ZNF362: variants seen among roughly 807,000 people sequenced by gnomAD.
The protein encoded by ZNF362 is zinc finger protein 362.
A neutral mutation model predicts 42.9 loss-of-function variants in ZNF362; 11 were observed. The ratio of observed to expected loss-of-function variants is 0.26; its 90% CI spans 0.16 to 0.42. The LOEUF is 0.42. Among genes scored for constraint, ZNF362 ranks in the 20% least tolerant of loss-of-function variants. The pLI is 1.00. For synonymous variants in ZNF362, 255 were observed against 257.3 expected (o/e 0.99, Z 0.09); for missense variants, 362 against 576.2 (o/e 0.63, Z 3.81).
the ZNF362 span, among the ~76,000 whole-genome samples, chr1:33,220,052 G>A: frequency 1.3e-5 from 2 of 152,166 alleles, no homozygotes; most frequent in Non-Finnish European, 2.9e-5. Flanking sequence ...TGGCCTGGGG[G>A]TGGATGAATC....
At chr1:33,239,087 G>C in the ZNF362 span, among the ~76,000 whole-genome samples, 2 of 152,230 alleles carry the variant, frequency 1.3e-5, no homozygotes, top group Admixed American at 1.3e-4. Context: ...CTGTGAGCCA[G>C]ATAACACCTA....
chr1:33,132,798 T>C, the ZNF362 span, among the ~76,000 whole-genome samples: 2 of 152,218 alleles, frequency 1.3e-5, no homozygotes, highest in Non-Finnish European at 2.9e-5. Context: ...AACCTTGTGG[T>C]TGACACATAG....
the ZNF362 span, among the ~76,000 whole-genome samples, chr1:33,196,443 A>T: frequency 6.6e-6 from 1 of 152,146 alleles, no homozygotes; most frequent in African/African-American, 2.4e-5. Flanking sequence ...GCATTAGCCT[A>T]GGCCCACACA....
At chr1:33,254,013 G>A (rs943415475), upstream of ZNF362, among the ~76,000 whole-genome samples, 2 of 151,940 alleles carry the variant, frequency 1.3e-5, no homozygotes, top group African/African-American at 2.4e-5. Context: ...TATTTGTTAC[G>A]ATTTGTTATA....
the ZNF362 span, among the ~76,000 whole-genome samples, chr1:33,236,402 T>C: frequency 6.7e-6 from 1 of 149,698 alleles, no homozygotes; most frequent in African/African-American, 2.5e-5. Flanking sequence ...ATTAGCCAGG[T>C]GTGGTGGTGT....
the ZNF362 span, among the ~76,000 whole-genome samples, chr1:33,131,188 T>C: frequency 6.6e-6 from 1 of 152,220 alleles, no homozygotes; most frequent in South Asian, 2.1e-4. Context: ...TTTCCTGAGT[T>C]TGATTTACTT....
the ZNF362 span, among the ~76,000 whole-genome samples, chr1:33,230,206 G>A: frequency 1.9e-3 from 292 of 152,256 alleles, 2 homozygotes; most frequent in African/African-American, 6.7e-3. Context: ...AACTGGGAAT[G>A]GTGTTAATAC....
At chr1:33,227,652 A>G in the ZNF362 span, among the ~76,000 whole-genome samples, 3 of 152,096 alleles carry the variant, frequency 2.0e-5, no homozygotes, top group African/African-American at 7.2e-5. Flanking sequence ...TGACTGCCAA[A>G]TCCATGAGCC....
chr1:33,176,510 G>C, the ZNF362 span: 1 of 665,504 alleles, frequency 1.5e-6, no homozygotes, highest in Non-Finnish European at 2.8e-6. Context: ...GGGCGGCTGA[G>C]ACTGAATCGG....
the ZNF362 span, among the ~76,000 whole-genome samples, chr1:33,211,061 G>A: frequency 1.3e-5 from 2 of 151,780 alleles, no homozygotes; most frequent in African/African-American, 4.8e-5. Context: ...AGCCTCCCGA[G>A]TAGCTGGGAC....
chr1:33,233,815 T>C, the ZNF362 span, among the ~76,000 whole-genome samples: 7 of 152,296 alleles, frequency 4.6e-5, no homozygotes, highest in African/African-American at 1.2e-4. Context: ...GAGTGAACTC[T>C]GGCACACAAG....
In ZNF362 at chr1:33,281,069, AAACAAC is replaced by A. The variant is rs142850369; in HGVS notation, c.684-497_684-492del. Among the ~76,000 whole-genome samples, 103,566 of 150,658 alleles carry A rather than the reference AAACAAC, an allele frequency of 0.69. 35,683 individuals carry two copies. Among genetic ancestry groups the A allele is most frequent in the East Asian group, 0.75 (3,809 of 5,054 alleles). ...GGGTGACAGGGTGAGACTCTGTCTC[AAACAAC>A]AACAACAACAACAACAACAATTTTA... On this transcript the variant is annotated intron_variant, in intron 5 of 8. Transcript: ENST00000539719. This position sits in a 1 kb window ranked among gnomAD's most constrained non-coding sequence, Gnocchi z 4.8.
At chr1:33,148,828 C>T in the ZNF362 span, among the ~76,000 whole-genome samples, 3 of 152,178 alleles carry the variant, frequency 2.0e-5, no homozygotes, top group Non-Finnish European at 2.9e-5. Context: ...TAGGCCAACT[C>T]TTCCATTTGA....
At chr1:33,158,467 T>C in the ZNF362 span, 3 of 870,560 alleles carry the variant, frequency 3.4e-6, no homozygotes, top group East Asian at 5.0e-5. Flanking sequence ...GCATAGGATG[T>C]GGTCATGAGT....
At chr1:33,291,211 G>C (rs1343619274) in intron 6 of ZNF362, among the ~76,000 whole-genome samples, 3 of 152,118 alleles carry the variant, frequency 2.0e-5, no homozygotes, top group African/African-American at 7.2e-5. Flanking sequence ...TAACATTTAA[G>C]TCTTTAATCC....
At chr1:33,178,013 A>G in the ZNF362 span, among the ~76,000 whole-genome samples, 1 of 152,186 alleles carries the variant, frequency 6.6e-6, no homozygotes, top group African/African-American at 2.4e-5. Context: ...AGGGCTCTTA[A>G]TTTCTCTGCT....
the ZNF362 span, among the ~76,000 whole-genome samples, chr1:33,242,849 A>G: frequency 6.6e-6 from 1 of 152,192 alleles, no homozygotes; most frequent in Non-Finnish European, 1.5e-5. Flanking sequence ...TGGACAAGCC[A>G]AAGTGCTGCT....
At chr1:33,279,853 T>C (rs1222662530) in intron 4 of ZNF362, among the ~76,000 whole-genome samples, 1 of 152,344 alleles carries the variant, frequency 6.6e-6, no homozygotes, top group East Asian at 1.9e-4. Flanking sequence ...AAAATTTTGC[T>C]GTTATAAATA....
the ZNF362 span, among the ~76,000 whole-genome samples, chr1:33,190,926 G>A: frequency 6.6e-6 from 1 of 152,162 alleles, no homozygotes; most frequent in Non-Finnish European, 1.5e-5. Context: ...CCTGGCATCA[G>A]CAGCATCTTT....
Sources: gnomAD v4.1 joint callset for allele counts (sites outside exome capture counted in the v4.1 genomes callset) on GRCh38, gnomAD v4.1.1 for gene constraint, Gnocchi (gnomAD v3.1) non-coding constraint, MANE v1.5 for transcripts, NCBI Gene and HGNC (gene_info 2026-07-23, HGNC 2026-07-21) for gene names.